The following SSR2 variants were observed in gnomAD, a reference collection of about 807,000 sequenced individuals.
SSR2 encodes signal sequence receptor subunit 2.
In SSR2, 16 loss-of-function variants were observed where a neutral mutation model predicts 22.6. That is an observed-to-expected ratio of 0.71 (90% CI 0.48 to 1.08). SSR2 has a LOEUF of 1.08. Ranked by LOEUF, SSR2 falls within the 50% of genes least tolerant of loss-of-function variation. SSR2 has a pLI of 0.00. For missense variants in SSR2, 171 were observed against 221.6 expected (o/e 0.77, Z 1.45); for synonymous variants, 83 against 91.2 (o/e 0.91, Z 0.51).
Position 156,020,162 on chromosome 1 carries a change from C to A in SSR2, c.6G>T (p.Arg2Ser). 6.2e-7 allele frequency: 1 copy of A among 1,613,510 alleles called. No homozygotes were observed. Among genetic ancestry groups the A allele is most frequent in the Non-Finnish European group, 8.5e-7 (1 of 1,179,882 alleles). ...GAGCCAACACCACAAATGACAGCAG[C>A]CTCATCTTTAGAGAAAAAAGCAAAG... M[R>S]LLSFVVLALF... Residue 2 changes from arginine (R) to serine (S), a missense_variant, in exon 2 of 6, where the codon AGG becomes AGT. Arg to Ser is a moderately radical substitution (Grantham distance 110). Coordinates refer to ENST00000295702, the MANE Select transcript of SSR2 (RefSeq NM_003145.4).
Position 156,011,855 on chromosome 1 carries a change from T to C in SSR2, c.396A>G (p.Gly132=). 6.2e-7 allele frequency: 1 copy of C among 1,613,970 alleles called. No individual in the cohort carries two copies. The highest frequency in any genetic ancestry group is 1.1e-5 in the South Asian group (1 of 91,072). The part of the protein sequence containing the change: ...IGSTSAPGQG[G]ILAQREFDRR... ...TGTCAAACTCCCGCTGAGCCAGGAT[T>C]CCTCCCTGTCCAGGTGCACTGGTAG... is the stretch of plus-strand genomic sequence containing the variant. The change falls in exon 5 of 6, where the codon GGA becomes GGG. Residue 132 remains glycine, a synonymous_variant. Coordinates refer to ENST00000295702, the MANE Select transcript of SSR2 (RefSeq NM_003145.4).
Position 156,009,486 on chromosome 1 carries a change from T to A in SSR2, c.*54A>T. On this transcript the variant is annotated 3_prime_UTR_variant, in exon 6 of 6. Coordinates refer to ENST00000295702, the MANE Select transcript of SSR2 (RefSeq NM_003145.4). Reference sequence around the variant, plus strand: ...TTTGGAGTCTGGAAAGCACCTGGATTTCTTGGGAGAGGAGCCTGGATTTCT... The same window carrying A: ...TTTGGAGTCTGGAAAGCACCTGGATATCTTGGGAGAGGAGCCTGGATTTCT... The A allele has an allele frequency of 7.2e-7, 1 of 1,391,098 alleles. No individual in the cohort carries two copies. Among genetic ancestry groups the A allele is most frequent in the Non-Finnish European group, 1.0e-6 (1 of 979,632 alleles). 86.2% of individuals were successfully genotyped at this position (1,391,098 alleles called of 1,614,324 possible).
chr1:156,019,982 C>A (rs1440805416), intron 2 of SSR2, 31 bp downstream of exon 2: 2 of 1,600,460 alleles, frequency 1.2e-6, no homozygotes, highest in Admixed American at 1.7e-5. Context: ...CAGAAATAGG[C>A]TTAATCTGTA....
chr1:156,015,916 C>T (rs562121939), intron 3 of SSR2, among the ~76,000 whole-genome samples: 4 of 151,920 alleles, frequency 2.6e-5, no homozygotes, highest in East Asian at 3.9e-4. Flanking sequence ...TTTGGGAGGC[C>T]GAAGTGGTTG....
intron 3 of SSR2, 56 bp from the exon 4 acceptor site, chr1:156,015,125 C>A: frequency 7.3e-7 from 1 of 1,373,164 alleles, no homozygotes; most frequent in Admixed American, 1.8e-5. Context: ...AGCAGCCTTT[C>A]AACCTGTGGA....
At chr1:156,018,556 A>C (rs1301090588) in intron 2 of SSR2, among the ~76,000 whole-genome samples, 188 bp from the exon 3 acceptor site, 2 of 151,096 alleles carry the variant, frequency 1.3e-5, no homozygotes, top group Non-Finnish European at 2.9e-5. Flanking sequence ...AAAAATACAA[A>C]AATTAGCTGG....
At chr1:156,016,061 G>A (rs992643810) in intron 3 of SSR2, among the ~76,000 whole-genome samples, 1 of 151,840 alleles carries the variant, frequency 6.6e-6, no homozygotes, top group Non-Finnish European at 1.5e-5. Context: ...TGAGGCTGGA[G>A]AATCGCTTGA....
chr1:156,009,751 A>G, intron 5 of SSR2, 101 bp from the exon 6 acceptor site: 1 of 726,468 alleles, frequency 1.4e-6, no homozygotes. Flanking sequence ...GTCTAGCCCA[A>G]ATTTATTTAT....
At position 156,020,056 on chromosome 1, in the gene SSR2, G is replaced by GT; in HGVS notation, c.111dup (p.Arg38ThrfsTer24). 1 of 1,614,066 alleles carries GT rather than the reference G, an allele frequency of 6.2e-7. No individual in the cohort carries two copies. Among genetic ancestry groups the GT allele is most frequent in the Non-Finnish European group, 8.5e-7 (1 of 1,179,998 alleles). On this transcript the variant is annotated frameshift_variant, in exon 2 of 6. Transcript: ENST00000295702. LOFTEE classifies it high-confidence loss of function. Reference sequence around the variant, plus strand: ...ATGTTGTACTGCAAGGTCAGGTCTCGTCCCTCCACGGCGTATCTGTTCAGC... The same window carrying GT: ...ATGTTGTACTGCAAGGTCAGGTCTCGTTCCCTCCACGGCGTATCTGTTCAGC...
intron 3 of SSR2, among the ~76,000 whole-genome samples, chr1:156,017,936 G>C (rs12030755): frequency 6.6e-6 from 1 of 150,808 alleles, no homozygotes; most frequent in East Asian, 2.0e-4. Flanking sequence ...TTTTAATAGA[G>C]ACAGGGTTTC....
In SSR2 at chr1:156,014,756, G is replaced by T. The variant is rs1451598237; in HGVS notation, c.363+205C>A. 1.4e-5 allele frequency: 6 copies of T among 432,166 alleles called. No homozygotes were observed. In the South Asian group the frequency reaches 1.8e-4, roughly 13 times the overall value. 26.8% of individuals were successfully genotyped at this position (432,166 alleles called of 1,614,324 possible). ...GGGGCTTCTGCATGTTGGCCAGGCT[G>T]GTCTTGAACTCCTGACCTTAGGTGA... On this transcript the variant is annotated intron_variant, in intron 4 of 5. Transcript: ENST00000295702.
At chr1:156,009,716 T>C in intron 5 of SSR2, 66 bp from the exon 6 acceptor site, 3 of 1,078,636 alleles carry the variant, frequency 2.8e-6, no homozygotes, top group Non-Finnish European at 4.1e-6. Flanking sequence ...CCAGGGAAAA[T>C]ATGAGTCCAA....
At chr1:156,019,530 G>A (rs1171404440) in intron 2 of SSR2, among the ~76,000 whole-genome samples, 6 of 152,024 alleles carry the variant, frequency 3.9e-5, no homozygotes, top group African/African-American at 7.2e-5. Context: ...GACTACAGGC[G>A]TCCGCCACCA....
At chr1:156,012,480 T>A (rs1225329486) in intron 4 of SSR2, 1 of 454,574 alleles carries the variant, frequency 2.2e-6, no homozygotes, top group South Asian at 1.6e-5. Flanking sequence ...CAAACAACTT[T>A]ATTCCAAAGT....
chr1:156,020,938 T>A lies in SSR2; in HGVS notation c.-51A>T, dbSNP rs775569603. Reference sequence around the variant, plus strand: ...GAGCCACAAAGACAGGAAGAGAGCGTCAGCATCCGAAAGACCGGAAATAAG... The same window carrying A: ...GAGCCACAAAGACAGGAAGAGAGCGACAGCATCCGAAAGACCGGAAATAAG... On this transcript the variant is annotated 5_prime_UTR_variant, in exon 1 of 6. Transcript: ENST00000295702. 6 of 471,124 alleles carry A rather than the reference T, an allele frequency of 1.3e-5. No individual in the cohort carries two copies. The highest frequency in any genetic ancestry group is 4.7e-5 in the Admixed American group (2 of 42,556). 29.2% of individuals were successfully genotyped at this position (471,124 alleles called of 1,614,324 possible). A position where few individuals can be genotyped will look rare whatever the true frequency, so the allele number is the denominator to read the frequency against.
At chr1:156,018,241 C>T (rs1034500084) in intron 3 of SSR2, 29 bp downstream of exon 3, 1 of 1,575,510 alleles carries the variant, frequency 6.3e-7, no homozygotes, top group Non-Finnish European at 8.7e-7. Flanking sequence ...TGCCCCCCGA[C>T]CCTTCATCAC....
intron 3 of SSR2, 21 bp from the exon 4 acceptor site, chr1:156,015,090 C>G: frequency 6.3e-7 from 1 of 1,593,052 alleles, no homozygotes. Flanking sequence ...AGTTAAGGAA[C>G]GGAAAGAGAT....
At chr1:156,013,513 C>T (rs1159994399) in intron 4 of SSR2, 1 of 153,482 alleles carries the variant, frequency 6.5e-6, no homozygotes, top group Non-Finnish European at 1.5e-5. Flanking sequence ...AACAAGGAGA[C>T]ATAGCTCAAA....
At chr1:156,012,029 A>T (rs546986362) in intron 4 of SSR2, 142 bp from the exon 5 acceptor site, 2 of 605,928 alleles carry the variant, frequency 3.3e-6, no homozygotes, top group East Asian at 5.6e-5. Flanking sequence ...AACTTCAAGA[A>T]GATGAGGGAA....
Sources: gnomAD v4.1 joint callset for allele counts (sites outside exome capture counted in the v4.1 genomes callset) on GRCh38, gnomAD v4.1.1 for gene constraint, MANE v1.5 for transcripts, NCBI Gene and HGNC (gene_info 2026-07-23, HGNC 2026-07-21) for gene names.